CAPZB: variants seen among roughly 807,000 people sequenced by gnomAD.
The protein encoded by CAPZB is capping actin protein of muscle Z-line subunit beta.
Under a neutral mutation model 38.1 loss-of-function variants are expected in CAPZB, and 2 were observed. The ratio of observed to expected loss-of-function variants is 0.05; its 90% CI spans 0.02 to 0.17. The LOEUF (loss-of-function observed/expected upper bound fraction) is 0.17. CAPZB is among the 10% of genes least tolerant of loss of function. CAPZB has a pLI of 1.00. For missense variants in CAPZB, 161 were observed against 334.2 expected (o/e 0.48, Z 4.04); for synonymous variants, 107 against 127.4 (o/e 0.84, Z 1.08).
At chr1:19,485,400 GC>G (rs1386083651) in intron 1 of CAPZB, 35 bp downstream of exon 1, 4 of 1,220,982 alleles carry the variant, frequency 3.3e-6, no homozygotes, top group African/African-American at 1.6e-5. Flanking sequence ...CTCCGGAGGG[GC>G]CCCCGGGCCG....
At chr1:19,455,527 A>G (rs1243234052) in intron 1 of CAPZB, among the ~76,000 whole-genome samples, 1 of 152,166 alleles carries the variant, frequency 6.6e-6, no homozygotes, top group Admixed American at 6.5e-5. Flanking sequence ...GTCACACGCT[A>G]GTGGTTTCCA....
Position 19,465,770 on chromosome 1 carries a change from T to C in CAPZB, c.3+19666A>G, listed in dbSNP as rs369549066. On this transcript the variant is annotated intron_variant, in intron 1 of 8. Transcript: ENST00000264202. Reference sequence around the variant, plus strand: ...GCCAGTGCCTCCTGTCCTGGGCCTCTGGGCTCATGTGATAAAGACAAGAGC... The same window carrying C: ...GCCAGTGCCTCCTGTCCTGGGCCTCCGGGCTCATGTGATAAAGACAAGAGC... Among the ~76,000 whole-genome samples, 25 of 152,324 alleles carry C rather than the reference T, an allele frequency of 1.6e-4. 1 individual carries two copies. The highest frequency in any genetic ancestry group is 6.0e-4 in the African/African-American group (25 of 41,574).
chr1:19,397,781 G>A (rs1313555352), intron 2 of CAPZB, among the ~76,000 whole-genome samples: 1 of 152,110 alleles, frequency 6.6e-6, no homozygotes, highest in Non-Finnish European at 1.5e-5. Flanking sequence ...TAGAGTTTAG[G>A]GTGAAAACTA....
At chr1:19,387,629 T>A (rs191414481) in intron 2 of CAPZB, among the ~76,000 whole-genome samples, 275 of 152,280 alleles carry the variant, frequency 1.8e-3, no homozygotes, top group African/African-American at 6.3e-3. Context: ...TCAGCTCAAT[T>A]TTTCCTCAAT....
intron 1 of CAPZB, among the ~76,000 whole-genome samples, chr1:19,435,673 A>G (rs2094455935): frequency 1.3e-5 from 2 of 152,238 alleles, no homozygotes; most frequent in South Asian, 4.1e-4. Flanking sequence ...TGCCAGTATC[A>G]GTCTCAGATG....
chr1:19,415,236 C>G (rs551927389), intron 2 of CAPZB, among the ~76,000 whole-genome samples: 7 of 152,244 alleles, frequency 4.6e-5, no homozygotes, highest in African/African-American at 9.6e-5. Flanking sequence ...AATCTCCCCC[C>G]CTTCATTATC....
intron 1 of CAPZB, among the ~76,000 whole-genome samples, chr1:19,433,797 T>C (rs1368582227): frequency 6.6e-6 from 1 of 152,186 alleles, no homozygotes; most frequent in Non-Finnish European, 1.5e-5. Flanking sequence ...TTCAGATGCC[T>C]GTGTGTGACT....
chr1:19,466,781 A>G (rs1474695557), intron 1 of CAPZB, among the ~76,000 whole-genome samples: 1 of 152,244 alleles, frequency 6.6e-6, no homozygotes, highest in Non-Finnish European at 1.5e-5. Flanking sequence ...GGATGAATGC[A>G]GTTTAATAAT....
At chr1:19,402,187 G>A (rs1288570395) in intron 2 of CAPZB, among the ~76,000 whole-genome samples, 2 of 152,182 alleles carry the variant, frequency 1.3e-5, no homozygotes, top group Non-Finnish European at 1.5e-5. Context: ...TCCCACCAGG[G>A]CTGCGAAGGA....
intron 4 of CAPZB, among the ~76,000 whole-genome samples, chr1:19,373,563 C>T (rs528277149): frequency 4.4e-4 from 67 of 152,284 alleles, no homozygotes; most frequent in African/African-American, 1.5e-3. Flanking sequence ...TCTGGGGAGA[C>T]GGTAAGTTCT....
chr1:19,344,614 C>G (rs547520202), intron 7 of CAPZB, among the ~76,000 whole-genome samples, 180 bp from the exon 8 acceptor site: 2 of 152,198 alleles, frequency 1.3e-5, no homozygotes, highest in Non-Finnish European at 2.9e-5. Context: ...TCTGTGCTCC[C>G]GGCACCTTCC....
chr1:19,447,806 C>T (rs938164149), intron 1 of CAPZB, among the ~76,000 whole-genome samples: 6 of 152,234 alleles, frequency 3.9e-5, no homozygotes, highest in Admixed American at 1.3e-4. Context: ...GCCTCGGTGG[C>T]CTTGCCAGAA....
At chr1:19,469,741 T>TACACACAC (rs60330360) in intron 1 of CAPZB, among the ~76,000 whole-genome samples, 6,923 of 136,630 alleles carry the variant, frequency 0.051, 201 homozygotes, top group African/African-American at 0.057. Context: ...AGGAAAAGAA[T>TACACACAC]ACACACACAC....
chr1:19,369,095 G>C (rs563979584), intron 4 of CAPZB, among the ~76,000 whole-genome samples: 7 of 152,230 alleles, frequency 4.6e-5, no homozygotes, highest in Non-Finnish European at 1.0e-4. Context: ...ATGTTCATAA[G>C]CAAACTTGTT....
intron 1 of CAPZB, chr1:19,484,617 C>A (rs1249533800): frequency 2.6e-5 from 31 of 1,186,714 alleles, no homozygotes; most frequent in Non-Finnish European, 3.2e-5. Context: ...TGGAGAGCTC[C>A]CCTCGCTCCC....
At chr1:19,465,008 C>G (rs1453944816) in intron 1 of CAPZB, among the ~76,000 whole-genome samples, 1 of 152,124 alleles carries the variant, frequency 6.6e-6, no homozygotes, top group Non-Finnish European at 1.5e-5. Context: ...AAACTGTACA[C>G]TTAAAGCTGG....
At chr1:19,363,050 G>A (rs2100345483) in intron 4 of CAPZB, among the ~76,000 whole-genome samples, 1 of 152,142 alleles carries the variant, frequency 6.6e-6, no homozygotes, top group South Asian at 2.1e-4. Context: ...AACGGTCCCG[G>A]CGCCTTTTAA....
rs185359008 is a variant in CAPZB at position 19,420,294 on chromosome 1, C to G, written c.4-544G>C. 3 of 152,750 alleles carry G rather than the reference C, an allele frequency of 2.0e-5. No individual in the cohort carries two copies. The East Asian group carries it at 5.8e-4, about 29-fold the overall frequency. 9.5% of individuals were successfully genotyped at this position (152,750 alleles called of 1,614,324 possible). A position where few individuals can be genotyped will look rare whatever the true frequency, so the allele number is the denominator to read the frequency against. On this transcript the variant is annotated intron_variant, in intron 1 of 8. Coordinates refer to ENST00000264202, the MANE Select transcript of CAPZB (RefSeq NM_004930.5). ...ACTTAGGACACTAAGACCTGAACCA[C>G]ACTACAGTCAAGAGCTCACTCCACC...
intron 2 of CAPZB, among the ~76,000 whole-genome samples, chr1:19,390,391 C>G (rs1424191000): frequency 6.6e-6 from 1 of 152,248 alleles, no homozygotes; most frequent in Non-Finnish European, 1.5e-5. Flanking sequence ...TGGTTTCTGT[C>G]TAAACCACCC....
Sources: allele counts gnomAD v4.1 joint callset (sites outside exome capture counted in the v4.1 genomes callset), GRCh38; gene constraint gnomAD v4.1.1; transcripts MANE v1.5; gene names NCBI Gene and HGNC (gene_info 2026-07-23, HGNC 2026-07-21).